Variants in TBX15 observed in about 807,000 individuals in gnomAD.
The protein encoded by TBX15 is T-box transcription factor 15, also known as T-box transcription factor TBX15.
A neutral mutation model predicts 53.9 loss-of-function variants in TBX15; 18 were observed. The observed-to-expected ratio is 0.33, with a 90% confidence interval of 0.23 to 0.49. The LOEUF (loss-of-function observed/expected upper bound fraction) is 0.49. TBX15 is among the 20% of genes least tolerant of loss of function. TBX15 has a pLI of 0.98. For missense variants in TBX15, 692 were observed against 749.5 expected (o/e 0.92, Z 0.90); for synonymous variants, 295 against 278.0 (o/e 1.06, Z -0.61).
At chr1:118,934,899 C>G (rs1201917102) in intron 1 of TBX15, among the ~76,000 whole-genome samples, 1 of 152,200 alleles carries the variant, frequency 6.6e-6, no homozygotes, top group South Asian at 2.1e-4. Context: ...TTCACTCTCT[C>G]ACAAAACAGG....
At chr1:118,917,178 T>A (rs544647925) in intron 5 of TBX15, among the ~76,000 whole-genome samples, 11 of 152,174 alleles carry the variant, frequency 7.2e-5, no homozygotes, top group African/African-American at 2.6e-4. Context: ...AAAATGCCCA[T>A]CAATAATAGA....
rs1325033624 is a variant in TBX15 at position 118,987,617 on chromosome 1, G to C, written c.179C>G (p.Ala60Gly). The change falls in exon 1 of 8, where the codon GCG becomes GGG. Residue 60 changes from alanine (A) to glycine (G), a missense_variant. By Grantham distance (60) the Ala-to-Gly change is moderately conservative (BLOSUM62 0). This residue lies in a region of TBX15 where 307 missense variants were observed against 347.5 expected (regional missense o/e 0.88). Transcript: ENST00000369429. ...AGPLGDTEDA[A>G]AHGLEPHPDS... Reference sequence around the variant, plus strand: ...CGGGTGAGGCTCCAGGCCGTGTGCCGCCGCGTCCTCCGTGTCTCCGAGTGG... The same window carrying C: ...CGGGTGAGGCTCCAGGCCGTGTGCCCCCGCGTCCTCCGTGTCTCCGAGTGG... The C allele has an allele frequency of 1.3e-6, 2 of 1,548,944 alleles. No individual in the cohort carries two copies. The highest frequency in any genetic ancestry group is 2.4e-5 in the South Asian group (2 of 84,028).
At chr1:118,938,156 A>G (rs147795504) in intron 1 of TBX15, among the ~76,000 whole-genome samples, 206 of 152,294 alleles carry the variant, frequency 1.4e-3, no homozygotes, top group African/African-American at 4.7e-3. Context: ...GGAATGAACT[A>G]TAACCCGGGA....
intron 7 of TBX15, among the ~76,000 whole-genome samples, chr1:118,892,583 A>T (rs1654184176): frequency 6.6e-6 from 1 of 152,202 alleles, no homozygotes; most frequent in Non-Finnish European, 1.5e-5. Context: ...AGCAGGAAAA[A>T]CAATGGTGTG....
At chr1:118,937,438 A>T (rs1263957031) in intron 1 of TBX15, among the ~76,000 whole-genome samples, 4 of 152,196 alleles carry the variant, frequency 2.6e-5, no homozygotes, top group African/African-American at 9.7e-5. Context: ...TTTATCATCT[A>T]CATGCTAAAG....
intron 1 of TBX15, among the ~76,000 whole-genome samples, chr1:118,965,807 A>C (rs1183268435): frequency 6.6e-6 from 1 of 152,242 alleles, no homozygotes; most frequent in African/African-American, 2.4e-5. Context: ...CAAAACTAAA[A>C]TTATAAAGTC....
intron 1 of TBX15, among the ~76,000 whole-genome samples, chr1:118,971,415 G>A (rs1476088067): frequency 6.6e-6 from 1 of 152,084 alleles, no homozygotes; most frequent in Non-Finnish European, 1.5e-5. Flanking sequence ...TGGCTGTAGT[G>A]GTCACAAAAC....
chr1:118,892,457 A>T (rs1016672024), intron 7 of TBX15, among the ~76,000 whole-genome samples: 2 of 152,210 alleles, frequency 1.3e-5, no homozygotes, highest in African/African-American at 4.8e-5. Context: ...CAACCCCACA[A>T]ATGGTAAGAA....
intron 1 of TBX15, among the ~76,000 whole-genome samples, chr1:118,936,524 G>A (rs1655971808): frequency 6.6e-6 from 1 of 151,906 alleles, no homozygotes; most frequent in African/African-American, 2.4e-5. Context: ...TACCATGGGG[G>A]GTGGGGGTAT....
chr1:118,986,908 C>T (rs1285911140), intron 1 of TBX15, among the ~76,000 whole-genome samples: 1 of 152,166 alleles, frequency 6.6e-6, no homozygotes. Context: ...GACATGACAT[C>T]CCCCCTGCTT....
At chr1:118,967,864 C>G (rs10923713) in intron 1 of TBX15, among the ~76,000 whole-genome samples, 1 of 152,034 alleles carries the variant, frequency 6.6e-6, no homozygotes, top group Non-Finnish European at 1.5e-5. Flanking sequence ...AAATAACAAG[C>G]TGTATTTGCC....
intron 6 of TBX15, among the ~76,000 whole-genome samples, chr1:118,899,738 A>G (rs901847184): frequency 1.3e-5 from 2 of 152,210 alleles, no homozygotes; most frequent in Non-Finnish European, 2.9e-5. Flanking sequence ...CTCAAAAATT[A>G]TGGCTCAGGC....
chr1:118,971,792 A>G (rs1255017311), intron 1 of TBX15, among the ~76,000 whole-genome samples: 8 of 152,366 alleles, frequency 5.3e-5, no homozygotes, highest in Admixed American at 5.2e-4. Context: ...TATAGGCATC[A>G]ATTGCCCAAA....
intron 7 of TBX15, among the ~76,000 whole-genome samples, chr1:118,888,862 G>T (rs1654037646): frequency 6.6e-6 from 1 of 151,430 alleles, no homozygotes; most frequent in Admixed American, 6.6e-5. Flanking sequence ...GATGGCCCAA[G>T]ATGGAAGGAA....
At chr1:118,962,349 A>G (rs1260336007) in intron 1 of TBX15, among the ~76,000 whole-genome samples, 2 of 152,106 alleles carry the variant, frequency 1.3e-5, no homozygotes, top group East Asian at 3.9e-4. Context: ...TCGTGCCTAC[A>G]TTTCCTCAAT....
intron 2 of TBX15, among the ~76,000 whole-genome samples, chr1:118,926,834 TA>T (rs1271611357): frequency 6.6e-6 from 1 of 151,872 alleles, no homozygotes; most frequent in African/African-American, 2.4e-5. Flanking sequence ...GCCTCCCGAG[TA>T]GCTGGGACTA....
At chr1:118,891,062 C>A (rs781749347) in intron 7 of TBX15, 3 of 490,888 alleles carry the variant, frequency 6.1e-6, no homozygotes, top group African/African-American at 2.1e-5. Context: ...CAGCACTGTT[C>A]ATCTCAACAA....
At chr1:118,953,841 A>G (rs1447881168) in intron 1 of TBX15, among the ~76,000 whole-genome samples, 1 of 152,254 alleles carries the variant, frequency 6.6e-6, no homozygotes, top group Non-Finnish European at 1.5e-5. Flanking sequence ...AGTTTTAATG[A>G]ACAGTCTGAA....
At chr1:118,905,611 G>A (rs772894911) in intron 6 of TBX15, among the ~76,000 whole-genome samples, 6 of 152,234 alleles carry the variant, frequency 3.9e-5, no homozygotes, top group Non-Finnish European at 7.3e-5. Flanking sequence ...CTGCTGGAGT[G>A]TCCAGCACTG....
Sources: allele counts gnomAD v4.1 joint callset (sites outside exome capture counted in the v4.1 genomes callset), GRCh38; gene constraint gnomAD v4.1.1; regional missense constraint gnomAD v4.1.1; transcripts MANE v1.5; gene names NCBI Gene and HGNC (gene_info 2026-07-23, HGNC 2026-07-21).